Variants in ZNRF2 observed in about 807,000 individuals in gnomAD.
ZNRF2 encodes zinc and ring finger 2.
ZNRF2 carries 16 observed loss-of-function variants against 20.4 expected under a neutral mutation model. The ratio of observed to expected loss-of-function variants is 0.79; its 90% CI spans 0.53 to 1.19. ZNRF2 has a LOEUF of 1.19. Among genes scored for constraint, ZNRF2 ranks in the 50% most tolerant of loss-of-function variants. The pLI is 0.00. For synonymous variants in ZNRF2, 178 were observed against 144.9 expected (o/e 1.23, Z -1.64); for missense variants, 363 against 332.4 (o/e 1.09, Z -0.72).
intron 1 of ZNRF2, among the ~76,000 whole-genome samples, chr7:30,298,950 T>C (rs1799062677): frequency 6.6e-6 from 1 of 152,266 alleles, no homozygotes; most frequent in African/African-American, 2.4e-5. Context: ...TTCCAGAGTC[T>C]AAAGGTACTG....
intron 2 of ZNRF2, among the ~76,000 whole-genome samples, chr7:30,354,769 T>C (rs1489539284): frequency 6.6e-6 from 1 of 152,204 alleles, no homozygotes; most frequent in African/African-American, 2.4e-5. Flanking sequence ...CTGCTTTAGC[T>C]TTCCATTCTG....
At chr7:30,349,368 A>G (rs1456994651) in intron 2 of ZNRF2, among the ~76,000 whole-genome samples, 1 of 152,134 alleles carries the variant, frequency 6.6e-6, no homozygotes, top group Non-Finnish European at 1.5e-5. Flanking sequence ...TTTTATCATT[A>G]TTACCACTTA....
chr7:30,328,243 G>A (rs929359663), intron 2 of ZNRF2, among the ~76,000 whole-genome samples: 2 of 152,064 alleles, frequency 1.3e-5, no homozygotes, highest in African/African-American at 4.8e-5. Flanking sequence ...AGTAGAACAA[G>A]GTAAAGCCAG....
intron 1 of ZNRF2, among the ~76,000 whole-genome samples, chr7:30,316,303 AAAAAAAAAAAAAAAAAAG>A (rs1378187873): frequency 6.7e-5 from 10 of 148,644 alleles, no homozygotes; most frequent in Non-Finnish European, 1.3e-4. Flanking sequence ...AAAAAAAAAA[AAAAAAAAAAAAAAAAAAG>A]AATTGTCATA....
chr7:30,352,632 G>A (rs571941411), intron 2 of ZNRF2, among the ~76,000 whole-genome samples: 13 of 152,112 alleles, frequency 8.5e-5, no homozygotes, highest in African/African-American at 3.1e-4. Flanking sequence ...ATAGCTTGTG[G>A]AGGAGGAATC....
At chr7:30,324,847 T>C (rs2128063703) in intron 2 of ZNRF2, among the ~76,000 whole-genome samples, 1 of 152,250 alleles carries the variant, frequency 6.6e-6, no homozygotes, top group African/African-American at 2.4e-5. Context: ...GAAGGGAACA[T>C]ATATGAGGAG....
intron 2 of ZNRF2, among the ~76,000 whole-genome samples, chr7:30,336,916 G>T (rs1321462725): frequency 6.6e-6 from 1 of 152,130 alleles, no homozygotes; most frequent in Non-Finnish European, 1.5e-5. Flanking sequence ...GTATGTATTA[G>T]AAAACATGCG....
At position 30,300,590 on chromosome 7, in the gene ZNRF2, GGAT is replaced by G. The variant is rs138610432; in HGVS notation, c.469+14768_469+14770del. ...TTACATTATCTGATTAGCAGTTTTTGGATGATATTAAGTGTTTTAAATAGGATT... is the reference window on the plus strand; with the variant it reads ...TTACATTATCTGATTAGCAGTTTTTGGATATTAAGTGTTTTAAATAGGATT... On this transcript the variant is annotated intron_variant, in intron 1 of 4. Transcript: ENST00000323037. Among the ~76,000 whole-genome samples, 1,015 of 152,260 alleles carry G rather than the reference GGAT, an allele frequency of 6.7e-3. 16 individuals are homozygous for G. The highest frequency in any genetic ancestry group is 0.023 in the African/African-American group (975 of 41,536).
In ZNRF2 at chr7:30,285,321, G is replaced by A; in HGVS notation, c.-37G>A. On this transcript the variant is annotated 5_prime_UTR_variant, in exon 1 of 5. Transcript: ENST00000323037. ...TCGCTCCCGCCCTCCCGGCTCTCGG[G>A]GCGCAGCGCGCGGGCCCGGCCCGGG... 1 of 1,073,918 alleles carries A rather than the reference G, an allele frequency of 9.3e-7. No individual in the cohort carries two copies. Among genetic ancestry groups the A allele is most frequent in the Non-Finnish European group, 1.1e-6 (1 of 890,620 alleles). The allele number at this position is 1,073,918 out of a possible 1,614,324, so 66.5% of individuals were successfully genotyped here.
intron 1 of ZNRF2, among the ~76,000 whole-genome samples, chr7:30,319,139 AC>A (rs1799425197): frequency 2.0e-5 from 3 of 152,094 alleles, no homozygotes; most frequent in Admixed American, 2.0e-4. Flanking sequence ...TCGTTTTAGA[AC>A]TGTACTCTTT....
At chr7:30,313,690 T>C (rs1303847579) in intron 1 of ZNRF2, among the ~76,000 whole-genome samples, 1 of 152,066 alleles carries the variant, frequency 6.6e-6, no homozygotes, top group African/African-American at 2.4e-5. Context: ...AAGTTACCGT[T>C]GGCACTGAGG....
intron 2 of ZNRF2, among the ~76,000 whole-genome samples, chr7:30,336,153 C>T (rs1449347191): frequency 6.6e-6 from 1 of 152,140 alleles, no homozygotes; most frequent in Admixed American, 6.6e-5. Context: ...GTTCAGCAAA[C>T]ATTTTAGAGA....
At chr7:30,289,687 T>G (rs1339719827) in intron 1 of ZNRF2, 1 of 474,668 alleles carries the variant, frequency 2.1e-6, no homozygotes, top group African/African-American at 2.0e-5. Context: ...AAGTTTCTGC[T>G]TTGGGAATTT....
At chr7:30,347,975 A>G (rs1269200055) in intron 2 of ZNRF2, among the ~76,000 whole-genome samples, 1 of 152,136 alleles carries the variant, frequency 6.6e-6, no homozygotes, top group Non-Finnish European at 1.5e-5. Flanking sequence ...TTAGAATTTT[A>G]TGTTTTGCCT....
Position 30,285,129 on chromosome 7 carries a change from TCTC to T in ZNRF2, c.-225_-223del, listed in dbSNP as rs1562599671. The T allele has an allele frequency of 4.8e-6, 2 of 417,090 alleles. No individual in the cohort carries two copies. Among genetic ancestry groups the T allele is most frequent in the Non-Finnish European group, 9.4e-6 (2 of 213,738 alleles). 25.8% of individuals were successfully genotyped at this position (417,090 alleles called of 1,614,324 possible). On this transcript the variant is annotated 5_prime_UTR_variant, in exon 1 of 5. Transcript: ENST00000323037. ...CAGCCGGGACCCCTTCCTCTCCGCG[TCTC>T]CTCGTCTCCCGCGCCCGCGTCAGGC...
At chr7:30,330,842 G>A (rs994310774) in intron 2 of ZNRF2, among the ~76,000 whole-genome samples, 7 of 152,070 alleles carry the variant, frequency 4.6e-5, no homozygotes, top group Admixed American at 6.6e-5. Context: ...CGCTGCTTGA[G>A]CATGTGTGAA....
At chr7:30,334,987 CT>C (rs1194746118) in intron 2 of ZNRF2, among the ~76,000 whole-genome samples, 1 of 150,534 alleles carries the variant, frequency 6.6e-6, no homozygotes, top group Non-Finnish European at 1.5e-5. Flanking sequence ...TGTTGAGGTA[CT>C]TTTTTTTTCT....
At chr7:30,318,166 G>A (rs1461419449) in intron 1 of ZNRF2, among the ~76,000 whole-genome samples, 1 of 152,160 alleles carries the variant, frequency 6.6e-6, no homozygotes, top group South Asian at 2.1e-4. Flanking sequence ...CAGTGAGGTC[G>A]ATGACATAGG....
chr7:30,292,644 C>A (rs1052417649), intron 1 of ZNRF2, among the ~76,000 whole-genome samples: 5 of 152,018 alleles, frequency 3.3e-5, no homozygotes, highest in African/African-American at 1.2e-4. Context: ...GATGACCTCA[C>A]TGACAAGGTG....
Sources: gnomAD v4.1 joint callset for allele counts (sites outside exome capture counted in the v4.1 genomes callset) on GRCh38, gnomAD v4.1.1 for gene constraint, MANE v1.5 for transcripts, NCBI Gene and HGNC (gene_info 2026-07-23, HGNC 2026-07-21) for gene names.